MYO18B: variants seen among roughly 807,000 people sequenced by gnomAD.
The protein encoded by MYO18B is myosin XVIIIB.
Under a neutral mutation model 273.0 loss-of-function variants are expected in MYO18B, and 204 were observed. That is an observed-to-expected ratio of 0.75 (90% CI 0.67 to 0.84). MYO18B has a LOEUF of 0.84. Ranked by LOEUF, MYO18B falls within the 40% of genes least tolerant of loss-of-function variation. The probability of loss-of-function intolerance (pLI) is 0.00; values close to 1 mark genes in which losing one functional copy is unlikely to be tolerated. For synonymous variants in MYO18B, 1,330 were observed against 1,305.7 expected (o/e 1.02, Z -0.40); for missense variants, 3,212 against 3,287.6 (o/e 0.98, Z 0.56).
chr22:25,798,700 C>T (rs1445567939), intron 12 of MYO18B, among the ~76,000 whole-genome samples: 9 of 152,134 alleles, frequency 5.9e-5, no homozygotes, highest in Non-Finnish European at 7.3e-5. Flanking sequence ...GCTGGGACTA[C>T]AGCTGTGCAC....
chr22:26,006,844 A>G (rs1601817708), intron 42 of MYO18B, among the ~76,000 whole-genome samples: 1 of 152,232 alleles, frequency 6.6e-6, no homozygotes, highest in African/African-American at 2.4e-5. Flanking sequence ...TATCAGCAGC[A>G]GTAACTATTT....
chr22:25,913,512 C>T (rs1270258202), intron 33 of MYO18B, among the ~76,000 whole-genome samples: 4 of 152,122 alleles, frequency 2.6e-5, no homozygotes, highest in East Asian at 1.9e-4. Context: ...TACAGGCGCC[C>T]GCCACCACGC....
chr22:26,013,069 A>G (rs1303921083), intron 42 of MYO18B, among the ~76,000 whole-genome samples: 5 of 151,604 alleles, frequency 3.3e-5, no homozygotes, highest in Non-Finnish European at 7.4e-5. Context: ...GGAAGCATCC[A>G]GTATGTCCTC....
chr22:25,873,962 G>T (rs908786685), intron 22 of MYO18B, among the ~76,000 whole-genome samples: 1 of 152,268 alleles, frequency 6.6e-6, no homozygotes, highest in East Asian at 1.9e-4. Context: ...AATCCCCGGG[G>T]GATTGTGTTA....
chr22:25,955,441 T>C, intron 39 of MYO18B, 77 bp downstream of exon 39: 1 of 1,445,820 alleles, frequency 6.9e-7, no homozygotes, highest in Non-Finnish European at 9.3e-7. Flanking sequence ...TTAAGACTTC[T>C]GAATGGGAGA....
At chr22:25,761,616 T>C (rs1407432111) in intron 2 of MYO18B, among the ~76,000 whole-genome samples, 1 of 152,196 alleles carries the variant, frequency 6.6e-6, no homozygotes, top group Non-Finnish European at 1.5e-5. Flanking sequence ...CCTTTAGTAT[T>C]TTTCATGATA....
chr22:25,879,493 A>G (rs5761295), intron 25 of MYO18B, among the ~76,000 whole-genome samples: 50,957 of 151,940 alleles, frequency 0.34, 8,939 homozygotes, highest in East Asian at 0.5. Context: ...ATGTGACTGG[A>G]GAAGGTTATG....
chr22:25,842,341 G>A (rs927514441), intron 17 of MYO18B, among the ~76,000 whole-genome samples: 6 of 152,162 alleles, frequency 3.9e-5, no homozygotes, highest in Non-Finnish European at 7.3e-5. Flanking sequence ...GTTCCGAATA[G>A]ATCCAAGAGT....
intron 34 of MYO18B, among the ~76,000 whole-genome samples, chr22:25,934,108 C>T (rs974452783): frequency 1.1e-4 from 17 of 152,032 alleles, no homozygotes; most frequent in Admixed American, 9.2e-4. Context: ...TCATCCATTT[C>T]GATATTTATT....
chr22:26,017,511 T>C (rs756582056), intron 42 of MYO18B, among the ~76,000 whole-genome samples: 4 of 152,224 alleles, frequency 2.6e-5, no homozygotes, highest in African/African-American at 4.8e-5. Context: ...AACGTATCAG[T>C]ATCGCACTTA....
At chr22:25,745,502 C>CACAT (rs1555879817) in intron 1 of MYO18B, among the ~76,000 whole-genome samples, 3 of 150,514 alleles carry the variant, frequency 2.0e-5, no homozygotes, top group East Asian at 1.9e-4. Flanking sequence ...CACACACACA[C>CACAT]GCACACACAT....
intron 42 of MYO18B, chr22:26,006,445 C>G (rs1229396722): frequency 3.2e-6 from 1 of 309,228 alleles, no homozygotes; most frequent in Non-Finnish European, 6.6e-6. Flanking sequence ...TACAGAGATT[C>G]ATCTTTAATC....
chr22:25,948,749 T>C (rs549211986), intron 36 of MYO18B, among the ~76,000 whole-genome samples: 2 of 151,756 alleles, frequency 1.3e-5, no homozygotes, highest in African/African-American at 2.4e-5. Flanking sequence ...GAAGACCTTA[T>C]CATATGGTCA....
downstream of MYO18B, among the ~76,000 whole-genome samples, chr22:26,033,679 C>G (rs1569316673): frequency 6.6e-6 from 1 of 152,132 alleles, no homozygotes; most frequent in Non-Finnish European, 1.5e-5. Flanking sequence ...CAGCCTGGAG[C>G]AGAAGGTACT....
chr22:25,823,368 C>T, intron 12 of MYO18B, 137 bp from the exon 13 acceptor site: 1 of 890,276 alleles, frequency 1.1e-6, no homozygotes, highest in Non-Finnish European at 1.7e-6. Flanking sequence ...CAGGCCTGGG[C>T]AGTTGTCCAA....
At chr22:26,003,233 G>T in intron 40 of MYO18B, 32 bp from the exon 41 acceptor site, 1 of 1,596,176 alleles carries the variant, frequency 6.3e-7, no homozygotes, top group Non-Finnish European at 8.5e-7. Context: ...GCAGCACGAG[G>T]ATAACACACT....
At chr22:25,991,896 G>C (rs867932227) in intron 39 of MYO18B, among the ~76,000 whole-genome samples, 1 of 134,366 alleles carries the variant, frequency 7.4e-6, no homozygotes, top group African/African-American at 3.1e-5. Flanking sequence ...CAAGGTGGGG[G>C]TGTTTAGGGG....
At position 25,768,297 on chromosome 22, in the gene MYO18B, G is replaced by C. The variant is rs762474314; in HGVS notation, c.381G>C (p.Lys127Asn). Residue 127 changes from lysine (K) to asparagine (N), a missense_variant, in exon 4 of 44, where the codon AAG becomes AAC. Transcript: ENST00000335473. The part of the protein sequence containing the change: ...PEQMTSINGE[K>N]AQELGSSATP... ...AGATGACAAGCATCAATGGTGAGAA[G>C]GCCCAGGAGCTGGGCTCCAGTGCGA... The C allele has an allele frequency of 1.2e-6, 2 of 1,613,938 alleles. No individual in the cohort carries two copies. The highest frequency in any genetic ancestry group is 1.7e-6 in the Non-Finnish European group (2 of 1,179,860).
At chr22:26,012,292 A>G (rs964751958) in intron 42 of MYO18B, among the ~76,000 whole-genome samples, 2 of 152,216 alleles carry the variant, frequency 1.3e-5, no homozygotes, top group African/African-American at 4.8e-5. Context: ...CTCGTTCCCA[A>G]AGTGGGGTAA....
Sources: allele counts gnomAD v4.1 joint callset (sites outside exome capture counted in the v4.1 genomes callset), GRCh38; gene constraint gnomAD v4.1.1; transcripts MANE v1.5; gene names NCBI Gene and HGNC (gene_info 2026-07-23, HGNC 2026-07-21).